SLC24A3: variants seen among roughly 807,000 people sequenced by gnomAD.
SLC24A3 encodes the protein sodium/potassium/calcium exchanger 3.
In SLC24A3, 28 loss-of-function variants were observed where a neutral mutation model predicts 75.8. The observed-to-expected ratio is 0.37, with a 90% CI of 0.27 to 0.51. The LOEUF (loss-of-function observed/expected upper bound fraction) is 0.51. SLC24A3 is among the 20% of genes least tolerant of loss of function. The probability of loss-of-function intolerance (pLI) is 0.94; values close to 1 mark genes in which losing one functional copy is unlikely to be tolerated. For missense variants in SLC24A3, 663 were observed against 847.8 expected, an observed-to-expected ratio of 0.78 and a Z score of 2.71; for synonymous variants, 372 against 334.1, an observed-to-expected ratio of 1.11 and a Z score of -1.24.
chr20:19,508,760 T>C (rs1988495987), intron 2 of SLC24A3, among the ~76,000 whole-genome samples: 1 of 152,202 alleles, frequency 6.6e-6, no homozygotes, highest in Non-Finnish European at 1.5e-5. Context: ...GAAAGAGACT[T>C]TGAGGACCTT....
At chr20:19,677,667 T>C (rs989506596) in intron 9 of SLC24A3, among the ~76,000 whole-genome samples, 3 of 150,480 alleles carry the variant, frequency 2.0e-5, no homozygotes, top group African/African-American at 7.4e-5. Flanking sequence ...GGATACTCTT[T>C]TAGGATTCTT....
rs117330337 is a variant in SLC24A3 at position 19,503,808 on chromosome 20, G to A, written c.272-11680G>A. On this transcript the variant is annotated intron_variant, in intron 2 of 16. Transcript: ENST00000328041. ...AGAAATCAAGCTAAAGATTAAAGAC[G>A]TCTCAATAAATTCCCTGAAGATACC... 4.5e-3 allele frequency among the ~76,000 whole-genome samples: 690 copies of A among 152,216 alleles called. 9 individuals carry two copies. Among genetic ancestry groups the A allele is most frequent in the Admixed American group, 5.7e-3 (87 of 15,288 alleles).
intron 2 of SLC24A3, among the ~76,000 whole-genome samples, chr20:19,378,093 C>T (rs1986117462): frequency 6.6e-6 from 1 of 152,154 alleles, no homozygotes; most frequent in Admixed American, 6.5e-5. Context: ...TGGAACTTCT[C>T]CCTTCAGATC....
At chr20:19,584,094 A>G (rs2031260208) in intron 4 of SLC24A3, among the ~76,000 whole-genome samples, 1 of 152,262 alleles carries the variant, frequency 6.6e-6, no homozygotes, top group Admixed American at 6.5e-5. Flanking sequence ...ACTGGCAGCC[A>G]GCAGCATACT....
chr20:19,656,667 G>C (rs898957524), intron 7 of SLC24A3, among the ~76,000 whole-genome samples: 3 of 152,164 alleles, frequency 2.0e-5, no homozygotes, highest in Non-Finnish European at 4.4e-5. Context: ...AATGAACACA[G>C]CCCTCTACTT....
At position 19,684,222 on chromosome 20, in the gene SLC24A3, G is replaced by C. The variant is rs761728940; in HGVS notation, c.948G>C (p.Leu316=). 1.3e-5 allele frequency: 21 copies of C among 1,614,064 alleles called. No individual in the cohort carries two copies. The highest frequency in any genetic ancestry group is 3.4e-6 in the Non-Finnish European group (4 of 1,180,042). The stretch of plus-strand genomic sequence containing the variant: ...CAGTGATCATGGTAGACGAGCTGCT[G>C]TCAGCCTACCCACACCAGCTTTCCT... ...KASVIMVDEL[L]SAYPHQLSFS... The change falls in exon 11 of 17, where the codon CTG becomes CTC. Residue 316 remains leucine (L), a synonymous_variant. Transcript: ENST00000328041.
intron 2 of SLC24A3, among the ~76,000 whole-genome samples, chr20:19,464,518 T>C (rs938154099): frequency 6.6e-6 from 1 of 152,244 alleles, no homozygotes; most frequent in African/African-American, 2.4e-5. Context: ...AATGATCACA[T>C]AAAACTCTCT....
intron 6 of SLC24A3, among the ~76,000 whole-genome samples, chr20:19,650,140 C>T (rs146235751): frequency 6.6e-6 from 1 of 152,022 alleles, no homozygotes; most frequent in African/African-American, 2.4e-5. Context: ...GGTTTGATGC[C>T]TTCTTACCTG....
At chr20:19,395,339 T>C (rs181384044) in intron 2 of SLC24A3, among the ~76,000 whole-genome samples, 1 of 152,248 alleles carries the variant, frequency 6.6e-6, no homozygotes, top group Admixed American at 6.5e-5. Flanking sequence ...TTATGTCATA[T>C]GCATTTTATC....
At chr20:19,498,184 A>G (rs1988325065) in intron 2 of SLC24A3, among the ~76,000 whole-genome samples, 1 of 152,140 alleles carries the variant, frequency 6.6e-6, no homozygotes, top group Non-Finnish European at 1.5e-5. Flanking sequence ...TAGTTGCAGG[A>G]AAACCAGCTC....
At chr20:19,664,905 C>CTGGG (rs1363347629) in intron 7 of SLC24A3, among the ~76,000 whole-genome samples, 1 of 152,206 alleles carries the variant, frequency 6.6e-6, no homozygotes, top group East Asian at 1.9e-4. Context: ...AAATTCGGAG[C>CTGGG]TGGGGCTGAG....
chr20:19,468,135 A>G (rs1303374232), intron 2 of SLC24A3, among the ~76,000 whole-genome samples: 1 of 152,160 alleles, frequency 6.6e-6, no homozygotes, highest in Non-Finnish European at 1.5e-5. Context: ...AGTGACTGTA[A>G]TGAGAAAGTG....
intron 3 of SLC24A3, among the ~76,000 whole-genome samples, chr20:19,570,042 C>G (rs906271646): frequency 6.6e-6 from 1 of 152,176 alleles, no homozygotes; most frequent in African/African-American, 2.4e-5. Flanking sequence ...GCTGTAAAGA[C>G]CTACCTGTCA....
chr20:19,279,453 C>T (rs1228074711), intron 1 of SLC24A3, among the ~76,000 whole-genome samples: 1 of 152,204 alleles, frequency 6.6e-6, no homozygotes, highest in Non-Finnish European at 1.5e-5. Context: ...CATGTTTCTG[C>T]CTTCATCTTA....
chr20:19,233,945 T>G (rs1982096577), intron 1 of SLC24A3, among the ~76,000 whole-genome samples: 1 of 152,238 alleles, frequency 6.6e-6, no homozygotes, highest in African/African-American at 2.4e-5. Flanking sequence ...CTAATTTGAT[T>G]ATTGCTTTTA....
intron 1 of SLC24A3, among the ~76,000 whole-genome samples, chr20:19,250,232 C>G (rs185371670): frequency 6.6e-6 from 1 of 152,324 alleles, no homozygotes; most frequent in East Asian, 1.9e-4. Flanking sequence ...CAAACCACTG[C>G]TTATACAATT....
intron 8 of SLC24A3, among the ~76,000 whole-genome samples, chr20:19,671,647 GTTTTTTTGT>G (rs1231559001): frequency 2.9e-5 from 3 of 103,766 alleles, no homozygotes; most frequent in Admixed American, 1.7e-4. Flanking sequence ...TTTTTTTTTT[GTTTTTTTGT>G]TTTTTTGTTT....
chr20:19,397,149 T>C (rs1986468064), intron 2 of SLC24A3, among the ~76,000 whole-genome samples: 1 of 152,244 alleles, frequency 6.6e-6, no homozygotes, highest in Non-Finnish European at 1.5e-5. Flanking sequence ...AGTCTCAATG[T>C]AAACATATCA....
intron 2 of SLC24A3, among the ~76,000 whole-genome samples, chr20:19,360,576 T>A: frequency 6.6e-6 from 1 of 152,228 alleles, no homozygotes; most frequent in Non-Finnish European, 1.5e-5. Context: ...AATCTATGGA[T>A]ACCTCAAAGC....
Sources: gnomAD v4.1 joint callset for allele counts (sites outside exome capture counted in the v4.1 genomes callset) on GRCh38, gnomAD v4.1.1 for gene constraint, MANE v1.5 for transcripts, NCBI Gene and HGNC (gene_info 2026-07-23, HGNC 2026-07-21) for gene names.